TENM2: variants seen among roughly 807,000 people sequenced by gnomAD.
The protein encoded by TENM2 is teneurin-2.
A neutral mutation model predicts 245.2 loss-of-function variants in TENM2; 52 were observed. The observed-to-expected ratio is 0.21, with a 90% CI of 0.17 to 0.27. The LOEUF (loss-of-function observed/expected upper bound fraction) is 0.27, where lower values mean the gene tolerates loss of function less well. Ranked by LOEUF, TENM2 falls within the 10% of genes least tolerant of loss-of-function variation. TENM2 has a pLI of 1.00. For synonymous variants in TENM2, 1,363 were observed against 1,438.9 expected, an observed-to-expected ratio of 0.95 and a Z score of 1.19; for missense variants, 3,046 against 3,666.8, an observed-to-expected ratio of 0.83 and a Z score of 4.37.
At chr5:167,227,747 T>TTAA in the TENM2 span, among the ~76,000 whole-genome samples, 1 of 152,276 alleles carries the variant, frequency 6.6e-6, no homozygotes, top group South Asian at 2.1e-4. Context: ...TCTTTTTGCT[T>TTAA]TGTATGTATT....
chr5:167,121,014 C>T, the TENM2 span, among the ~76,000 whole-genome samples: 4 of 151,554 alleles, frequency 2.6e-5, no homozygotes, highest in Non-Finnish European at 1.5e-5. Flanking sequence ...AGTGCAGCTG[C>T]AAAATCAAAC....
chr5:167,155,804 G>C, the TENM2 span, among the ~76,000 whole-genome samples: 2 of 152,318 alleles, frequency 1.3e-5, no homozygotes, highest in Non-Finnish European at 2.9e-5. Context: ...AGGAAGCAAC[G>C]TGAAACTGAC....
At chr5:167,322,270 GAAAA>G (rs563404481) in intron 1 of TENM2, among the ~76,000 whole-genome samples, 73 of 150,506 alleles carry the variant, frequency 4.9e-4, no homozygotes, top group African/African-American at 1.7e-3. Flanking sequence ...TGTTTTGAAA[GAAAA>G]AACATCTATC....
chr5:167,750,164 G>A (rs1397020549), intron 2 of TENM2, among the ~76,000 whole-genome samples: 2 of 152,126 alleles, frequency 1.3e-5, no homozygotes, highest in Non-Finnish European at 2.9e-5. Context: ...TGGATTAAAC[G>A]ATGAACTGAG....
chr5:167,754,851 A>C, intron 2 of TENM2: 1 of 522,648 alleles, frequency 1.9e-6, no homozygotes, highest in Non-Finnish European at 3.0e-6. Flanking sequence ...GTCCTCCCCA[A>C]CTAATTCCTC....
intron 5 of TENM2, among the ~76,000 whole-genome samples, chr5:168,025,321 G>T (rs957538410): frequency 6.6e-5 from 10 of 152,178 alleles, no homozygotes; most frequent in African/African-American, 2.2e-4. Context: ...TTGTTTAAAA[G>T]AAAAGATTCA....
chr5:167,321,314 A>G (rs1442552625), intron 1 of TENM2, among the ~76,000 whole-genome samples: 1 of 152,176 alleles, frequency 6.6e-6, no homozygotes, highest in Non-Finnish European at 1.5e-5. Context: ...AGGCCAGGAT[A>G]AAAAAGGAAA....
intron 2 of TENM2, among the ~76,000 whole-genome samples, chr5:167,710,273 T>C (rs1758821238): frequency 6.6e-6 from 1 of 152,174 alleles, no homozygotes; most frequent in African/African-American, 2.4e-5. Context: ...ATTCAGTGAA[T>C]ACATACTATT....
At chr5:167,532,630 G>A (rs1771583181) in intron 2 of TENM2, among the ~76,000 whole-genome samples, 1 of 151,832 alleles carries the variant, frequency 6.6e-6, no homozygotes, top group Non-Finnish European at 1.5e-5. Flanking sequence ...TCTTCCCACA[G>A]CCTGTGGGAA....
At chr5:168,222,344 A>G (rs1182142511) in intron 23 of TENM2, among the ~76,000 whole-genome samples, 1 of 152,246 alleles carries the variant, frequency 6.6e-6, no homozygotes, top group African/African-American at 2.4e-5. Context: ...ACCCTTAAAA[A>G]GAGGCCCTCC....
At chr5:167,445,337 A>ATATATATATATATATATATATG (rs1491215308) in intron 2 of TENM2, among the ~76,000 whole-genome samples, 3 of 76,638 alleles carry the variant, frequency 3.9e-5, no homozygotes, top group Admixed American at 1.3e-4. Context: ...ATATATATAT[A>ATATATATATATATATATATATG]GAGAGAGAGA....
chr5:167,811,517 AG>A (rs1766637669), intron 2 of TENM2, among the ~76,000 whole-genome samples: 1 of 152,182 alleles, frequency 6.6e-6, no homozygotes, highest in Non-Finnish European at 1.5e-5. Context: ...TACAGCCTGC[AG>A]AACGATCTGC....
At chr5:167,627,016 T>C (rs2127782541) in intron 2 of TENM2, among the ~76,000 whole-genome samples, 1 of 152,208 alleles carries the variant, frequency 6.6e-6, no homozygotes, top group East Asian at 1.9e-4. Flanking sequence ...AGCATAACAA[T>C]GACATGAGGG....
intron 5 of TENM2, among the ~76,000 whole-genome samples, chr5:168,002,956 A>G (rs1271138186): frequency 6.6e-6 from 1 of 152,204 alleles, no homozygotes; most frequent in African/African-American, 2.4e-5. Context: ...AACAAATGAA[A>G]TAGTACAGTT....
the TENM2 span, among the ~76,000 whole-genome samples, chr5:167,136,979 G>T: frequency 6.6e-6 from 1 of 152,218 alleles, no homozygotes; most frequent in Non-Finnish European, 1.5e-5. Flanking sequence ...GGAAGTCCAA[G>T]AACAAGGTGC....
chr5:167,783,173 G>GT (rs34061894), intron 2 of TENM2, among the ~76,000 whole-genome samples: 117,293 of 143,960 alleles, frequency 0.81, 48,212 homozygotes, highest in Middle Eastern at 0.92. Context: ...CTAGAAACAG[G>GT]TTTTTTTTTT....
At chr5:167,931,311 T>C (rs940190112) in intron 3 of TENM2, among the ~76,000 whole-genome samples, 2 of 152,166 alleles carry the variant, frequency 1.3e-5, no homozygotes, top group African/African-American at 2.4e-5. Flanking sequence ...CTGTACTTTA[T>C]TGTGATGTCA....
At chr5:167,245,663 A>C in the TENM2 span, among the ~76,000 whole-genome samples, 1 of 152,196 alleles carries the variant, frequency 6.6e-6, no homozygotes, top group Non-Finnish European at 1.5e-5. Flanking sequence ...AACATCAAAC[A>C]ATGGAAATGC....
the TENM2 span, among the ~76,000 whole-genome samples, chr5:167,245,131 A>C: frequency 1.3e-5 from 2 of 152,070 alleles, no homozygotes; most frequent in African/African-American, 4.8e-5. Flanking sequence ...TCAAATGTAC[A>C]TTAGCAGTGA....
Sources: gnomAD v4.1 joint callset for allele counts (sites outside exome capture counted in the v4.1 genomes callset) on GRCh38, gnomAD v4.1.1 for gene constraint, MANE v1.5 for transcripts, NCBI Gene and HGNC (gene_info 2026-07-23, HGNC 2026-07-21) for gene names.